TUSC3: variants seen among roughly 807,000 people sequenced by gnomAD.
TUSC3 encodes the protein tumor suppressor candidate 3.
Under a neutral mutation model 44.8 loss-of-function variants are expected in TUSC3, and 45 were observed. The ratio of observed to expected loss-of-function variants is 1.00; its 90% CI spans 0.79 to 1.29. The LOEUF is 1.29. Among genes scored for constraint, TUSC3 ranks in the 50% most tolerant of loss-of-function variants. TUSC3 has a pLI of 0.00. For synonymous variants in TUSC3, 212 were observed against 152.9 expected (o/e 1.39, Z -2.85); for missense variants, 519 against 437.9 (o/e 1.19, Z -1.65).
the TUSC3 span, among the ~76,000 whole-genome samples, chr8:15,818,817 T>C: frequency 6.6e-6 from 1 of 152,238 alleles, no homozygotes; most frequent in Non-Finnish European, 1.5e-5. Flanking sequence ...AGGAAAATCA[T>C]ACATTAGTCA....
At chr8:15,588,963 T>C (rs991994774) in intron 1 of TUSC3, among the ~76,000 whole-genome samples, 1 of 152,218 alleles carries the variant, frequency 6.6e-6, no homozygotes, top group Non-Finnish European at 1.5e-5. Flanking sequence ...TGTAGCCTTA[T>C]TGCATTGTTT....
At chr8:15,786,665 C>A in the TUSC3 span, among the ~76,000 whole-genome samples, 4 of 152,012 alleles carry the variant, frequency 2.6e-5, no homozygotes, top group African/African-American at 9.7e-5. Flanking sequence ...CTAGGGTGGG[C>A]CAGGCATGGT....
chr8:15,506,265 C>G (rs375647280), intron 2 of TUSC3, among the ~76,000 whole-genome samples: 2 of 152,170 alleles, frequency 1.3e-5, no homozygotes, highest in African/African-American at 4.8e-5. Context: ...CAGTCCCACT[C>G]TCCCCTGAGG....
At chr8:15,800,467 G>C in the TUSC3 span, among the ~76,000 whole-genome samples, 5 of 152,002 alleles carry the variant, frequency 3.3e-5, no homozygotes, top group African/African-American at 1.2e-4. Context: ...CAGCTACTTG[G>C]GGGGCTGAGG....
chr8:15,812,560 C>G, the TUSC3 span, among the ~76,000 whole-genome samples: 2 of 152,190 alleles, frequency 1.3e-5, no homozygotes, highest in Non-Finnish European at 1.5e-5. Flanking sequence ...TAATTTCTCA[C>G]TGAGCAAATA....
intron 5 of TUSC3, among the ~76,000 whole-genome samples, chr8:15,670,431 T>G (rs533883308): frequency 6.6e-6 from 1 of 151,902 alleles, no homozygotes; most frequent in Admixed American, 6.6e-5. Context: ...AAAGTGGCCT[T>G]GCAGTGCAGT....
At chr8:15,684,104 G>A (rs1808526650) in intron 6 of TUSC3, among the ~76,000 whole-genome samples, 1 of 151,914 alleles carries the variant, frequency 6.6e-6, no homozygotes, top group East Asian at 1.9e-4. Flanking sequence ...GTGCTCTGGG[G>A]AGGGAAGGCG....
intron 1 of TUSC3, among the ~76,000 whole-genome samples, chr8:15,453,109 T>C (rs1232610055): frequency 6.6e-6 from 1 of 152,186 alleles, no homozygotes; most frequent in Non-Finnish European, 1.5e-5. Context: ...ACTTGAGAGC[T>C]AGTTTCATCC....
chr8:15,780,778 G>A, the TUSC3 span, among the ~76,000 whole-genome samples: 1 of 152,152 alleles, frequency 6.6e-6, no homozygotes, highest in Non-Finnish European at 1.5e-5. Context: ...GCTTTTTACA[G>A]CTACCACCTG....
At chr8:15,760,885 G>A (rs1378599560) in intron 10 of TUSC3, among the ~76,000 whole-genome samples, 1 of 152,138 alleles carries the variant, frequency 6.6e-6, no homozygotes, top group African/African-American at 2.4e-5. Flanking sequence ...CGAGGCTGCT[G>A]TCCCTGCATC....
intron 1 of TUSC3, among the ~76,000 whole-genome samples, chr8:15,610,739 T>G (rs1804726233): frequency 6.6e-6 from 1 of 152,158 alleles, no homozygotes; most frequent in Non-Finnish European, 1.5e-5. Context: ...ATTCCTATAT[T>G]AGAGCGTAAA....
intron 6 of TUSC3, among the ~76,000 whole-genome samples, chr8:15,677,488 T>C (rs1808242182): frequency 6.6e-6 from 1 of 152,210 alleles, no homozygotes; most frequent in Non-Finnish European, 1.5e-5. Flanking sequence ...TTTTCCAAAC[T>C]CTGACTCTTA....
At chr8:15,520,154 A>T (rs1408307869) in intron 2 of TUSC3, among the ~76,000 whole-genome samples, 4 of 152,168 alleles carry the variant, frequency 2.6e-5, no homozygotes, top group Non-Finnish European at 5.9e-5. Flanking sequence ...TGTCATCCAA[A>T]TTCAGTAAGC....
At chr8:15,838,628 T>A in the TUSC3 span, among the ~76,000 whole-genome samples, 3 of 152,152 alleles carry the variant, frequency 2.0e-5, no homozygotes, top group African/African-American at 7.2e-5. Context: ...TTTCCCCATT[T>A]CTTGTTTTTG....
the TUSC3 span, among the ~76,000 whole-genome samples, chr8:15,788,949 A>C: frequency 3.9e-5 from 6 of 152,140 alleles, no homozygotes; most frequent in Non-Finnish European, 8.8e-5. Flanking sequence ...TTATTAGGAA[A>C]ATTAAGCAGA....
intron 1 of TUSC3, among the ~76,000 whole-genome samples, chr8:15,451,199 C>T (rs1800193909): frequency 6.6e-6 from 1 of 152,102 alleles, no homozygotes; most frequent in Non-Finnish European, 1.5e-5. Flanking sequence ...TTTCTTGTAT[C>T]ACAGTATAAT....
chr8:15,760,579 G>T (rs893164963), intron 10 of TUSC3, among the ~76,000 whole-genome samples: 2 of 152,060 alleles, frequency 1.3e-5, no homozygotes. Context: ...AATCATTGGG[G>T]GGTGGGACGT....
intron 10 of TUSC3, among the ~76,000 whole-genome samples, chr8:15,759,735 G>T (rs1812091535): frequency 6.6e-6 from 1 of 151,934 alleles, no homozygotes; most frequent in African/African-American, 2.4e-5. Flanking sequence ...TTATTTCTCA[G>T]TCCTGAATAT....
the TUSC3 span, among the ~76,000 whole-genome samples, chr8:15,827,806 TTGA>T: frequency 1.3e-5 from 2 of 152,022 alleles, no homozygotes; most frequent in Non-Finnish European, 2.9e-5. Flanking sequence ...GAACTTCAAG[TTGA>T]TGATATTTAG....
Sources: gnomAD v4.1 joint callset for allele counts (sites outside exome capture counted in the v4.1 genomes callset) on GRCh38, gnomAD v4.1.1 for gene constraint, MANE v1.5 for transcripts, NCBI Gene and HGNC (gene_info 2026-07-23, HGNC 2026-07-21) for gene names.